The following CCSER1 variants were observed in gnomAD, a reference collection of about 807,000 sequenced individuals.
The protein encoded by CCSER1 is serine-rich coiled-coil domain-containing protein 1.
A neutral mutation model predicts 82.0 loss-of-function variants in CCSER1; 41 were observed. The ratio of observed to expected loss-of-function variants is 0.50; its 90% CI spans 0.39 to 0.65. The LOEUF is 0.65. CCSER1 is among the 30% of genes least tolerant of loss of function. CCSER1 has a pLI of 0.00. For synonymous variants in CCSER1, 414 were observed against 383.9 expected (o/e 1.08, Z -0.92); for missense variants, 1,119 against 1,064.2 (o/e 1.05, Z -0.72).
intron 8 of CCSER1, among the ~76,000 whole-genome samples, chr4:90,842,339 A>G (rs1762678131): frequency 1.3e-5 from 2 of 152,276 alleles, no homozygotes; most frequent in South Asian, 2.1e-4. Flanking sequence ...TAATTTCTTG[A>G]TTGGGTGAGT....
At chr4:91,508,609 T>G (rs1168184434) in intron 10 of CCSER1, among the ~76,000 whole-genome samples, 1 of 151,728 alleles carries the variant, frequency 6.6e-6, no homozygotes, top group African/African-American at 2.4e-5. Flanking sequence ...CAGTGAAATA[T>G]TGACCATATA....
chr4:90,144,549 T>A (rs62313890), intron 1 of CCSER1, among the ~76,000 whole-genome samples: 2 of 151,946 alleles, frequency 1.3e-5, no homozygotes, highest in South Asian at 2.1e-4. Context: ...CTGAGTAAAC[T>A]CCTGTTTAAG....
intron 1 of CCSER1, among the ~76,000 whole-genome samples, chr4:90,129,816 C>T (rs1371105604): frequency 1.3e-5 from 2 of 152,142 alleles, no homozygotes; most frequent in African/African-American, 4.8e-5. Flanking sequence ...ATTTTCAACA[C>T]GGAAGCATGT....
intron 3 of CCSER1, among the ~76,000 whole-genome samples, chr4:90,387,286 A>C (rs1214722607): frequency 6.6e-6 from 1 of 152,214 alleles, no homozygotes; most frequent in Non-Finnish European, 1.5e-5. Context: ...GCTCTAAAAT[A>C]TGACAAAATA....
chr4:90,333,943 A>C lies in CCSER1; in HGVS notation c.1509+20896A>C, dbSNP rs545684614. Among the ~76,000 whole-genome samples, 9 of 151,668 alleles carry C rather than the reference A, an allele frequency of 5.9e-5. No individual in the cohort carries two copies. The South Asian group carries it at 1.9e-3, about 32-fold the overall frequency. ...TGCAAGTTACCTTTTAACTTCACTG[A>C]GTCAGAGCTCTTACAGTAAATAGCA... On this transcript the variant is annotated intron_variant, in intron 3 of 10. Coordinates refer to ENST00000509176, the MANE Select transcript of CCSER1 (RefSeq NM_001145065.2).
chr4:90,514,129 A>G (rs1771928565), intron 5 of CCSER1, among the ~76,000 whole-genome samples: 1 of 152,178 alleles, frequency 6.6e-6, no homozygotes, highest in African/African-American at 2.4e-5. Flanking sequence ...AGAGGAGAGA[A>G]TGAAATGGTT....
intron 10 of CCSER1, among the ~76,000 whole-genome samples, chr4:91,457,070 A>G (rs1756222186): frequency 6.6e-6 from 1 of 152,116 alleles, no homozygotes; most frequent in South Asian, 2.1e-4. Context: ...ATGTGTTTTA[A>G]TATTTTTATC....
chr4:90,627,994 T>TTAGAACAAA (rs1560839515), intron 5 of CCSER1, 31 bp from the exon 6 acceptor site: 4 of 1,549,122 alleles, frequency 2.6e-6, no homozygotes, highest in Admixed American at 3.4e-5. Flanking sequence ...TGCTGCACTG[T>TTAGAACAAA]AATTTTTGTT....
Position 90,301,624 on chromosome 4 carries a change from C to T in CCSER1, c.-41-6620C>T, listed in dbSNP as rs530565491. Among the ~76,000 whole-genome samples, 35 of 151,912 alleles carry T rather than the reference C, an allele frequency of 2.3e-4. No individual in the cohort carries two copies. In the South Asian group the frequency reaches 3.3e-3, roughly 14 times the overall value. On this transcript the variant is annotated intron_variant, in intron 1 of 10. Transcript: ENST00000509176. ...AATTTGTTTTTTCAAAATAAAATAA[C>T]GTTTATGGTAATAAAGACCCCTAGA...
Position 90,247,436 on chromosome 4 carries a change from AG to A in CCSER1, c.-41-60807del, listed in dbSNP as rs375158516. On this transcript the variant is annotated intron_variant, in intron 1 of 10. Coordinates refer to ENST00000509176, the MANE Select transcript of CCSER1 (RefSeq NM_001145065.2). Reference sequence around the variant, plus strand: ...AAAATATAACAAGAAAATATATTGAAGAAAACTTGTTGTGAGAAATGCAGTG... The same window carrying A: ...AAAATATAACAAGAAAATATATTGAAAAAACTTGTTGTGAGAAATGCAGTG... Among the ~76,000 whole-genome samples, 106 of 152,306 alleles carry A rather than the reference AG, an allele frequency of 7.0e-4. 3 individuals are homozygous for A. The East Asian group carries it at 0.013, about 19-fold the overall frequency.
At chr4:90,889,372 C>G (rs1290990780) in intron 8 of CCSER1, among the ~76,000 whole-genome samples, 1 of 152,102 alleles carries the variant, frequency 6.6e-6, no homozygotes, top group African/African-American at 2.4e-5. Flanking sequence ...TCACTCTCTC[C>G]TACCCCTCCT....
chr4:90,238,731 T>A (rs1470056238), intron 1 of CCSER1, among the ~76,000 whole-genome samples: 1 of 152,164 alleles, frequency 6.6e-6, no homozygotes, highest in Non-Finnish European at 1.5e-5. Flanking sequence ...ATCTCTGTAA[T>A]ACTATAAAGA....
chr4:90,754,565 A>C (rs1274550781), intron 7 of CCSER1, among the ~76,000 whole-genome samples: 3 of 152,134 alleles, frequency 2.0e-5, no homozygotes, highest in African/African-American at 4.8e-5. Context: ...GTCATTCAAG[A>C]TACAACCTGG....
At chr4:90,206,163 A>AT (rs553647032) in intron 1 of CCSER1, among the ~76,000 whole-genome samples, 9 of 152,038 alleles carry the variant, frequency 5.9e-5, no homozygotes, top group Admixed American at 2.0e-4. Flanking sequence ...GGATTCATTG[A>AT]TTTTTTGAAG....
intron 10 of CCSER1, among the ~76,000 whole-genome samples, chr4:91,179,649 C>T (rs1237804610): frequency 1.3e-5 from 2 of 152,204 alleles, no homozygotes; most frequent in African/African-American, 4.8e-5. Context: ...GCTTTCAGCT[C>T]CACGAGGTCA....
At chr4:90,698,825 T>C (rs1737475486) in intron 6 of CCSER1, among the ~76,000 whole-genome samples, 1 of 152,088 alleles carries the variant, frequency 6.6e-6, no homozygotes, top group African/African-American at 2.4e-5. Flanking sequence ...CAAGAGTTGA[T>C]TGGATAATTT....
chr4:91,078,594 AG>A (rs1722296883), intron 9 of CCSER1, among the ~76,000 whole-genome samples: 1 of 152,216 alleles, frequency 6.6e-6, no homozygotes, highest in Non-Finnish European at 1.5e-5. Context: ...ATGAGTCGAG[AG>A]AAGAAGGCTT....
Position 90,263,753 on chromosome 4 carries a change from G to A in CCSER1, c.-41-44491G>A, listed in dbSNP as rs115222584. ...TATTCTGGTTTCTCAGGTGATGGGT[G>A]GAGCTATAAAGCTCCCAAAAGTTTA... is the stretch of plus-strand genomic sequence containing the variant. On this transcript the variant is annotated intron_variant, in intron 1 of 10. Coordinates refer to ENST00000509176, the MANE Select transcript of CCSER1 (RefSeq NM_001145065.2). Among the ~76,000 whole-genome samples, 345 of 152,200 alleles carry A rather than the reference G, an allele frequency of 2.3e-3. 1 individual carries two copies. Among genetic ancestry groups the A allele is most frequent in the Middle Eastern group, 3.4e-3 (1 of 294 alleles).
chr4:90,460,072 A>ATCCCAGCACTTTGGGAGGCCAAG (rs2153582914), intron 4 of CCSER1, among the ~76,000 whole-genome samples: 1 of 151,634 alleles, frequency 6.6e-6, no homozygotes, highest in South Asian at 2.1e-4. Flanking sequence ...CACGCCTGTA[A>ATCCCAGCACTTTGGGAGGCCAAG]TCCCAGCACT....
Sources: allele counts gnomAD v4.1 joint callset (sites outside exome capture counted in the v4.1 genomes callset), GRCh38; gene constraint gnomAD v4.1.1; transcripts MANE v1.5; gene names NCBI Gene and HGNC (gene_info 2026-07-23, HGNC 2026-07-21).